The following STARD13 variants were observed in gnomAD, a reference collection of about 807,000 sequenced individuals.
STARD13 encodes stAR-related lipid transfer protein 13.
Under a neutral mutation model 106.4 loss-of-function variants are expected in STARD13, and 62 were observed. That is an observed-to-expected ratio of 0.58 (90% CI 0.48 to 0.72). STARD13 has a LOEUF of 0.72. Ranked by LOEUF, STARD13 falls within the 30% of genes least tolerant of loss-of-function variation. STARD13 has a pLI of 0.00. For missense variants in STARD13, 1,387 were observed against 1,424.0 expected (o/e 0.97, Z 0.42); for synonymous variants, 565 against 553.0 (o/e 1.02, Z -0.31).
At chr13:33,438,607 G>A in the STARD13 span, among the ~76,000 whole-genome samples, 17 of 152,090 alleles carry the variant, frequency 1.1e-4, no homozygotes, top group South Asian at 2.1e-4. Context: ...TGATAGGTTC[G>A]GCACACTCAC....
intron 1 of STARD13, among the ~76,000 whole-genome samples, chr13:33,203,188 C>A (rs1036103257): frequency 3.3e-5 from 5 of 152,164 alleles, no homozygotes; most frequent in African/African-American, 1.2e-4. Flanking sequence ...CTAGGGGCCA[C>A]CACACACCTG....
chr13:33,464,435 T>C, the STARD13 span, among the ~76,000 whole-genome samples: 5 of 152,208 alleles, frequency 3.3e-5, no homozygotes, highest in African/African-American at 1.2e-4. Flanking sequence ...AGGTCCATGT[T>C]TGAAAGGAAT....
the STARD13 span, among the ~76,000 whole-genome samples, chr13:33,414,765 T>C: frequency 7.8e-4 from 118 of 152,256 alleles, no homozygotes; most frequent in African/African-American, 2.3e-3. Context: ...CTGTACTATA[T>C]AGTTCTGCAA....
At chr13:33,171,290 A>G (rs1261442926) in intron 1 of STARD13, among the ~76,000 whole-genome samples, 1 of 152,136 alleles carries the variant, frequency 6.6e-6, no homozygotes, top group Non-Finnish European at 1.5e-5. Context: ...GGAAAACCTG[A>G]GTGTGGAGTG....
the STARD13 span, among the ~76,000 whole-genome samples, chr13:33,652,486 A>T: frequency 6.6e-6 from 1 of 152,196 alleles, no homozygotes; most frequent in East Asian, 1.9e-4. Flanking sequence ...ATTTTTCCCC[A>T]TACATTTTAT....
chr13:33,561,636 C>T, the STARD13 span, among the ~76,000 whole-genome samples: 2 of 120,250 alleles, frequency 1.7e-5, no homozygotes, highest in Non-Finnish European at 3.7e-5. Flanking sequence ...CATGAACAGC[C>T]GTGAATAACT....
chr13:33,156,116 G>T (rs527320527), intron 3 of STARD13, among the ~76,000 whole-genome samples: 1 of 152,154 alleles, frequency 6.6e-6, no homozygotes, highest in Non-Finnish European at 1.5e-5. Context: ...CTCCTATCAC[G>T]CAGCTAACGC....
chr13:33,519,208 T>TTCTTTCTTTC, the STARD13 span, among the ~76,000 whole-genome samples: 10 of 101,590 alleles, frequency 9.8e-5, no homozygotes, highest in African/African-American at 4.6e-4. Flanking sequence ...CTTGGTAATT[T>TTCTTTCTTTC]TTTCTTTCTT....
chr13:33,191,646 G>A (rs1350690143), intron 1 of STARD13, among the ~76,000 whole-genome samples: 2 of 152,216 alleles, frequency 1.3e-5, no homozygotes, highest in Non-Finnish European at 2.9e-5. Context: ...TGCTAGGAAA[G>A]CATGGTTGAT....
intron 3 of STARD13, among the ~76,000 whole-genome samples, chr13:33,155,953 A>C (rs182528699): frequency 1.2e-4 from 19 of 152,354 alleles, no homozygotes; most frequent in Admixed American, 7.2e-4. Context: ...GTAACAAAGA[A>C]GAAACTGGCC....
chr13:33,604,193 A>C, the STARD13 span, among the ~76,000 whole-genome samples: 1 of 152,202 alleles, frequency 6.6e-6, no homozygotes, highest in Non-Finnish European at 1.5e-5. Flanking sequence ...ATGGTGAAGA[A>C]ATGTGGAGGG....
chr13:33,598,483 T>G, the STARD13 span, among the ~76,000 whole-genome samples: 3 of 152,230 alleles, frequency 2.0e-5, no homozygotes, highest in Admixed American at 1.3e-4. Flanking sequence ...TACAGTTATT[T>G]GTTTATGCAT....
chr13:33,451,139 T>TA, the STARD13 span, among the ~76,000 whole-genome samples: 1 of 152,258 alleles, frequency 6.6e-6, no homozygotes, highest in African/African-American at 2.4e-5. Context: ...CTCTATCTCC[T>TA]AAAGTGCTGA....
chr13:33,627,447 G>A, the STARD13 span, among the ~76,000 whole-genome samples: 1 of 152,010 alleles, frequency 6.6e-6, no homozygotes, highest in Non-Finnish European at 1.5e-5. Flanking sequence ...GACCAGCCTG[G>A]CCAAGATGGT....
chr13:33,656,037 A>T, the STARD13 span, among the ~76,000 whole-genome samples: 1 of 152,096 alleles, frequency 6.6e-6, no homozygotes, highest in Non-Finnish European at 1.5e-5. Flanking sequence ...CCACCTTTCT[A>T]CTTAAGTGGG....
chr13:33,606,573 G>A, the STARD13 span, among the ~76,000 whole-genome samples: 2 of 152,086 alleles, frequency 1.3e-5, no homozygotes, highest in Non-Finnish European at 1.5e-5. Flanking sequence ...TTTTAAGGCT[G>A]TCTACTTTCT....
rs531752161 is a variant in STARD13 at position 33,267,956 on chromosome 13, T to C, written c.169+17514A>G. Among the ~76,000 whole-genome samples, 23 of 152,296 alleles carry C rather than the reference T, an allele frequency of 1.5e-4. No homozygotes were observed. In the South Asian group the frequency reaches 4.8e-3, roughly 32 times the overall value. On this transcript the variant is annotated intron_variant, in intron 1 of 13. Transcript: ENST00000336934. The stretch of plus-strand genomic sequence containing the variant: ...TGAGAGGAGTTGGGACCATGTATTA[T>C]TAGTTTCCAGTTAACTGTACTGTTA...
chr13:33,323,327 C>T (rs148513084), intron 1 of STARD13, among the ~76,000 whole-genome samples: 50 of 152,282 alleles, frequency 3.3e-4, no homozygotes, highest in African/African-American at 1.2e-3. Context: ...CACTACCCTC[C>T]AGAACTCAGC....
At chr13:33,311,548 G>A (rs993774307) in intron 1 of STARD13, among the ~76,000 whole-genome samples, 2 of 152,164 alleles carry the variant, frequency 1.3e-5, no homozygotes, top group Non-Finnish European at 1.5e-5. Flanking sequence ...ATGCAGATAG[G>A]AGATGTTTAC....
Sources: allele counts gnomAD v4.1 joint callset (sites outside exome capture counted in the v4.1 genomes callset), GRCh38; gene constraint gnomAD v4.1.1; transcripts MANE v1.5; gene names NCBI Gene and HGNC (gene_info 2026-07-23, HGNC 2026-07-21).